GLG1: variants seen among roughly 807,000 people sequenced by gnomAD.
GLG1 encodes the protein golgi glycoprotein 1, also known as Golgi apparatus protein 1.
In GLG1, 38 loss-of-function variants were observed where a neutral mutation model predicts 160.5. The observed-to-expected ratio is 0.24, with a 90% CI of 0.18 to 0.31. The LOEUF (loss-of-function observed/expected upper bound fraction) is 0.31, where lower values mean the gene tolerates loss of function less well. Among genes scored for constraint, GLG1 ranks in the 10% least tolerant of loss-of-function variants. GLG1 has a pLI of 1.00. For synonymous variants in GLG1, 644 were observed against 543.4 expected, an observed-to-expected ratio of 1.19 and a Z score of -2.57; for missense variants, 1,373 against 1,505.2, an observed-to-expected ratio of 0.91 and a Z score of 1.45.
chr16:74,488,467 C>T (rs2015869448), intron 8 of GLG1, among the ~76,000 whole-genome samples: 1 of 152,158 alleles, frequency 6.6e-6, no homozygotes, highest in Non-Finnish European at 1.5e-5. Context: ...GGGATGGCTA[C>T]TGTAGTAGAA....
chr16:74,510,214 A>G (rs904768450), intron 2 of GLG1, among the ~76,000 whole-genome samples: 10 of 150,648 alleles, frequency 6.6e-5, no homozygotes, highest in African/African-American at 2.2e-4. Context: ...TATTTTTAGT[A>G]GAGATGGGGT....
chr16:74,594,386 TTCAG>T (rs1958253875), intron 1 of GLG1, among the ~76,000 whole-genome samples: 2 of 152,184 alleles, frequency 1.3e-5, no homozygotes, highest in African/African-American at 2.4e-5. Context: ...ATATCACACA[TTCAG>T]TCAAACAAAA....
chr16:74,513,975 C>A (rs569153365), intron 2 of GLG1, among the ~76,000 whole-genome samples: 32 of 152,146 alleles, frequency 2.1e-4, no homozygotes, highest in African/African-American at 6.7e-4. Context: ...AACCACAGTA[C>A]GAGAACTTCG....
intron 1 of GLG1, among the ~76,000 whole-genome samples, chr16:74,555,106 T>A (rs1369079934): frequency 6.6e-6 from 1 of 152,160 alleles, no homozygotes; most frequent in Non-Finnish European, 1.5e-5. Context: ...GTTGTAACTG[T>A]GCTTGGAGAT....
At chr16:74,485,537 T>C (rs1187235987) in intron 9 of GLG1, among the ~76,000 whole-genome samples, 1 of 152,206 alleles carries the variant, frequency 6.6e-6, no homozygotes, top group African/African-American at 2.4e-5. Context: ...AGTAACCTAA[T>C]ATATAGGTCC....
chr16:74,587,843 A>C (rs1958087993), intron 1 of GLG1, among the ~76,000 whole-genome samples: 2 of 152,210 alleles, frequency 1.3e-5, no homozygotes, highest in Non-Finnish European at 2.9e-5. Flanking sequence ...CGACACAGTG[A>C]GACTCCGCTT....
intron 14 of GLG1, among the ~76,000 whole-genome samples, chr16:74,471,827 G>T (rs1254078726): frequency 6.6e-6 from 1 of 152,194 alleles, no homozygotes; most frequent in African/African-American, 2.4e-5. Context: ...AGTAACTGCT[G>T]CTGGCCACAT....
At chr16:74,522,175 T>C (rs553887160) in intron 2 of GLG1, among the ~76,000 whole-genome samples, 22 of 152,248 alleles carry the variant, frequency 1.4e-4, no homozygotes, top group Non-Finnish European at 2.9e-4. Context: ...CAAATACTTA[T>C]GAAAATGGGA....
intron 1 of GLG1, among the ~76,000 whole-genome samples, chr16:74,563,628 G>T (rs889517258): frequency 1.1e-4 from 16 of 151,772 alleles, no homozygotes; most frequent in Admixed American, 1.1e-3. Flanking sequence ...TTGCGAGGCT[G>T]AGGTGGGAGA....
rs762059910 is a variant in GLG1 at position 74,469,030 on chromosome 16, C to G, written c.2352G>C (p.Val784=). ...VDVVICLSTT[V]RNDTLQEAKE... ...TGGCTTCCTGCAGAGTGTCATTGCG[C>G]ACGGTCGTGCTCAGGCAGATCACCA... Residue 784 remains valine, a synonymous_variant, in exon 17 of 26, where the codon GTG becomes GTC. Transcript: ENST00000422840. 6.2e-7 allele frequency: 1 copy of G among 1,613,978 alleles called. No individual in the cohort carries two copies. Among genetic ancestry groups the G allele is most frequent in the Non-Finnish European group, 8.5e-7 (1 of 1,179,928 alleles).
chr16:74,538,549 T>C (rs1196600620), intron 1 of GLG1, among the ~76,000 whole-genome samples: 6 of 152,194 alleles, frequency 3.9e-5, no homozygotes, highest in Non-Finnish European at 8.8e-5. Flanking sequence ...TTCTTATTTG[T>C]ACCCAGGGAT....
intron 19 of GLG1, among the ~76,000 whole-genome samples, chr16:74,463,681 A>T (rs2014888077): frequency 6.6e-6 from 1 of 151,982 alleles, no homozygotes; most frequent in African/African-American, 2.4e-5. Context: ...CCTCCTGAGT[A>T]GCGGGGATTA....
chr16:74,556,810 T>C (rs1002760553), intron 1 of GLG1, among the ~76,000 whole-genome samples: 1 of 150,364 alleles, frequency 6.7e-6, no homozygotes, highest in Non-Finnish European at 1.5e-5. Flanking sequence ...TACAACCTAA[T>C]AGTCTTTAGC....
intron 1 of GLG1, among the ~76,000 whole-genome samples, chr16:74,544,550 A>G (rs190671764): frequency 6.4e-4 from 98 of 152,336 alleles, no homozygotes; most frequent in African/African-American, 2.2e-3. Flanking sequence ...TCTGTTGCCC[A>G]GGCTGGAGTG....
At chr16:74,537,095 G>T (rs1319134806) in intron 1 of GLG1, among the ~76,000 whole-genome samples, 1 of 152,156 alleles carries the variant, frequency 6.6e-6, no homozygotes, top group Non-Finnish European at 1.5e-5. Context: ...CTAATTTAAT[G>T]ACCAAATATG....
At chr16:74,543,658 T>C (rs1273252786) in intron 1 of GLG1, among the ~76,000 whole-genome samples, 2 of 152,170 alleles carry the variant, frequency 1.3e-5, no homozygotes, top group Admixed American at 1.3e-4. Flanking sequence ...ATATTATAGT[T>C]TGGGAAATAC....
chr16:74,516,508 G>A (rs946139847), intron 2 of GLG1, among the ~76,000 whole-genome samples: 3 of 152,168 alleles, frequency 2.0e-5, no homozygotes, highest in Admixed American at 2.0e-4. Context: ...TGAAACCAAT[G>A]AGAACAAAGA....
intron 1 of GLG1, among the ~76,000 whole-genome samples, chr16:74,568,647 A>C (rs897354309): frequency 2.6e-5 from 4 of 151,916 alleles, no homozygotes; most frequent in Non-Finnish European, 5.9e-5. Context: ...AGAACTCCTG[A>C]TATCAGGTGA....
chr16:74,457,729 C>T (rs2143145983), intron 24 of GLG1, 145 bp downstream of exon 24: 1 of 658,238 alleles, frequency 1.5e-6, no homozygotes, highest in East Asian at 2.6e-5. Context: ...TTTGGCATCA[C>T]CCAGGTCCCC....
Sources: allele counts gnomAD v4.1 joint callset (sites outside exome capture counted in the v4.1 genomes callset), GRCh38; gene constraint gnomAD v4.1.1; transcripts MANE v1.5; gene names NCBI Gene and HGNC (gene_info 2026-07-23, HGNC 2026-07-21).